REDIC1: variants seen among roughly 807,000 people sequenced by gnomAD.
The protein encoded by REDIC1 is HEI10 Interacting Protein 1.
the REDIC1 span, among the ~76,000 whole-genome samples, chr12:39,807,984 T>C: frequency 1.3e-5 from 2 of 152,188 alleles, no homozygotes; most frequent in Admixed American, 6.5e-5. Flanking sequence ...CATCTATTCA[T>C]GTATAATATA....
chr12:39,701,773 G>A, the REDIC1 span, among the ~76,000 whole-genome samples: 2 of 151,996 alleles, frequency 1.3e-5, no homozygotes, highest in African/African-American at 4.8e-5. Context: ...CTAGAACTCA[G>A]GATTAAGAAT....
the REDIC1 span, among the ~76,000 whole-genome samples, chr12:39,733,069 G>GCACACACACACACA: frequency 3.1e-4 from 46 of 148,448 alleles, no homozygotes; most frequent in East Asian, 3.0e-3. Context: ...GCAGAAAAAT[G>GCACACACACACACA]CACACACACA....
the REDIC1 span, among the ~76,000 whole-genome samples, chr12:39,719,091 G>A: frequency 1.3e-5 from 2 of 151,974 alleles, no homozygotes; most frequent in African/African-American, 4.8e-5. Flanking sequence ...TAAAAGAACT[G>A]TACGTAGATT....
At chr12:39,864,719 T>C in the REDIC1 span, 2 of 1,600,304 alleles carry the variant, frequency 1.2e-6, no homozygotes, top group Non-Finnish European at 8.5e-7. Flanking sequence ...GCAAAAAAGT[T>C]ACCAGAGTCA....
the REDIC1 span, among the ~76,000 whole-genome samples, chr12:39,877,459 A>T: frequency 6.6e-6 from 1 of 152,200 alleles, no homozygotes; most frequent in African/African-American, 2.4e-5. Context: ...GTATTACAGG[A>T]GCTACAATTC....
chr12:39,885,778 G>C, the REDIC1 span, among the ~76,000 whole-genome samples: 2 of 152,142 alleles, frequency 1.3e-5, no homozygotes, highest in Non-Finnish European at 2.9e-5. Context: ...GTTTGAATTA[G>C]AATCATCTGA....
At chr12:39,872,015 G>T in the REDIC1 span, 1 of 1,399,808 alleles carries the variant, frequency 7.1e-7, no homozygotes, top group Non-Finnish European at 9.4e-7. Flanking sequence ...AAGAAACAGG[G>T]TTATTTTGAT....
the REDIC1 span, among the ~76,000 whole-genome samples, chr12:39,867,950 C>T: frequency 0.019 from 2,882 of 152,252 alleles, 99 homozygotes; most frequent in African/African-American, 0.065. Context: ...TCTTAAACGA[C>T]TTTATTTATA....
chr12:39,673,956 TAATG>T, the REDIC1 span, among the ~76,000 whole-genome samples: 2 of 152,230 alleles, frequency 1.3e-5, no homozygotes, highest in Non-Finnish European at 2.9e-5. Flanking sequence ...CTTATTTAGA[TAATG>T]AATGTTTTTA....
chr12:39,829,839 T>G, the REDIC1 span: 2 of 414,550 alleles, frequency 4.8e-6, no homozygotes, highest in African/African-American at 4.0e-5. Context: ...TGTGAATAGC[T>G]GCCTAAAACT....
At chr12:39,697,625 G>C in the REDIC1 span, among the ~76,000 whole-genome samples, 4 of 152,188 alleles carry the variant, frequency 2.6e-5, no homozygotes, top group South Asian at 8.3e-4. Flanking sequence ...TGAAGTTAAG[G>C]GGTAGAGTTT....
the REDIC1 span, among the ~76,000 whole-genome samples, chr12:39,693,876 G>GAT: frequency 2.0e-5 from 3 of 151,914 alleles, no homozygotes; most frequent in Admixed American, 6.6e-5. Context: ...TTTCAATTTT[G>GAT]ATATATATAT....
chr12:39,675,838 G>T, the REDIC1 span, among the ~76,000 whole-genome samples: 1 of 152,098 alleles, frequency 6.6e-6, no homozygotes, highest in South Asian at 2.1e-4. Context: ...AGCCTCACTG[G>T]GGGGCTAGAC....
At chr12:39,771,983 A>C in the REDIC1 span, among the ~76,000 whole-genome samples, 2 of 152,126 alleles carry the variant, frequency 1.3e-5, no homozygotes, top group Non-Finnish European at 2.9e-5. Flanking sequence ...GTCAGTATCT[A>C]CCATCAATTC....
At chr12:39,896,470 A>G in the REDIC1 span, among the ~76,000 whole-genome samples, 42 of 132,774 alleles carry the variant, frequency 3.2e-4, no homozygotes, top group South Asian at 4.5e-3. Flanking sequence ...ATGTATACAT[A>G]TATGTATATG....
the REDIC1 span, among the ~76,000 whole-genome samples, chr12:39,794,531 C>T: frequency 3.3e-5 from 5 of 152,166 alleles, no homozygotes; most frequent in Admixed American, 1.3e-4. Context: ...CTCAGCCAAT[C>T]GCAGTAGCCA....
the REDIC1 span, among the ~76,000 whole-genome samples, chr12:39,655,225 T>G: frequency 4.3e-4 from 66 of 152,208 alleles, no homozygotes; most frequent in Non-Finnish European, 7.8e-4. Flanking sequence ...ATTTTTTAAG[T>G]TCTACACTAA....
the REDIC1 span, chr12:39,830,465 G>T: frequency 4.1e-6 from 5 of 1,222,502 alleles, no homozygotes; most frequent in Non-Finnish European, 4.1e-6. Context: ...GCTGAAGGAG[G>T]CTTGGATCTG....
At chr12:39,803,300 T>C in the REDIC1 span, among the ~76,000 whole-genome samples, 119 of 151,390 alleles carry the variant, frequency 7.9e-4, no homozygotes, top group African/African-American at 2.7e-3. Context: ...TAGACTTATA[T>C]GACAATTATA....
Sources: allele counts gnomAD v4.1 joint callset (sites outside exome capture counted in the v4.1 genomes callset), GRCh38; gene constraint gnomAD v4.1.1; transcripts MANE v1.5; gene names NCBI Gene and HGNC (gene_info 2026-07-23, HGNC 2026-07-21).